The following DSC3 variants were observed in gnomAD, a reference collection of about 807,000 sequenced individuals.
DSC3 encodes desmocollin-3.
A neutral mutation model predicts 89.5 loss-of-function variants in DSC3; 97 were observed. That is an observed-to-expected ratio of 1.08 (90% CI 0.92 to 1.28). DSC3 has a LOEUF of 1.28. Among genes scored for constraint, DSC3 ranks in the 50% most tolerant of loss-of-function variants. DSC3 has a pLI of 0.00. For missense variants in DSC3, 1,199 were observed against 1,085.3 expected (o/e 1.10, Z -1.47); for synonymous variants, 436 against 384.1 (o/e 1.14, Z -1.58).
chr18:30,994,061 T>C lies in DSC3; in HGVS notation c.*114A>G, dbSNP rs1984366162. 9.2e-7 allele frequency: 1 copy of C among 1,085,670 alleles called. No individual in the cohort carries two copies. Among genetic ancestry groups the C allele is most frequent in the Non-Finnish European group, 1.4e-6 (1 of 728,474 alleles). The allele number at this position is 1,085,670 out of a possible 1,614,324, so 67.3% of individuals were successfully genotyped here. On this transcript the variant is annotated 3_prime_UTR_variant, in exon 16 of 16. Transcript: ENST00000360428. ...AAATATAAATTGGTGAGTAGCATAA[T>C]TCAAAATTGAGAAAAAAATCATCAT...
At chr18:31,015,078 T>C (rs1985190990) in intron 9 of DSC3, among the ~76,000 whole-genome samples, 1 of 152,186 alleles carries the variant, frequency 6.6e-6, no homozygotes, top group African/African-American at 2.4e-5. Flanking sequence ...ACTTTTAAAA[T>C]TCTAAAAATA....
intron 9 of DSC3, among the ~76,000 whole-genome samples, chr18:31,014,032 G>A (rs1985155057): frequency 1.3e-5 from 2 of 152,044 alleles, no homozygotes; most frequent in African/African-American, 2.4e-5. Context: ...TTCATATGAT[G>A]GATATTTTAC....
intron 9 of DSC3, among the ~76,000 whole-genome samples, chr18:31,010,023 T>C (rs541198780): frequency 3.3e-5 from 5 of 152,254 alleles, no homozygotes; most frequent in African/African-American, 1.2e-4. Context: ...AAGCACTTTT[T>C]CTTCAATTTC....
intron 13 of DSC3, among the ~76,000 whole-genome samples, chr18:31,003,250 C>T (rs1331636426): frequency 6.6e-6 from 1 of 152,204 alleles, no homozygotes; most frequent in African/African-American, 2.4e-5. Flanking sequence ...AATTATTTGC[C>T]TCTCTTTTTT....
At chr18:31,024,255 C>A in intron 6 of DSC3, 94 bp downstream of exon 6, 1 of 1,218,580 alleles carries the variant, frequency 8.2e-7, no homozygotes. Context: ...TTATCTCAGG[C>A]TGATCTGGCC....
rs116469001 is a variant in DSC3, at chr18:31,024,441, G to A, written c.683C>T (p.Pro228Leu). Residue 228 changes from proline (P) to leucine (L), a missense_variant, in exon 6 of 16, where the codon CCA (proline) becomes CTA (leucine). By Grantham distance (98) the Pro-to-Leu change is moderately conservative. Coordinates refer to ENST00000360428, the MANE Select transcript of DSC3 (RefSeq NM_001941.5). The stretch of plus-strand genomic sequence containing the variant: ...TTCATCCTCTACCCTGATGGGTAGT[G>A]GGAGGGGCAGATCTGCTGAATATCC... ...ADGYSADLPL[P>L]LPIRVEDEND... The A allele has an allele frequency of 2.5e-5, 40 of 1,612,614 alleles. No individual in the cohort carries two copies. The East Asian group carries it at 8.3e-4, about 33-fold the overall frequency.
Position 31,004,199 on chromosome 18 carries a change from C to G in DSC3, c.2056G>C (p.Val686Leu). Residue 686 changes from valine to leucine, a missense_variant, in exon 13 of 16, where the codon GTA becomes CTA. Transcript: ENST00000360428. Reference protein sequence around the residue: ...QCRATSRSTGVILGKWAILAI... With the variant: ...QCRATSRSTGLILGKWAILAI... ...AGGATTGCCCATTTTCCAAGTATTA[C>G]TCCTGTACTCCTTGAAGTCGCACGA... 6.2e-7 allele frequency: 1 copy of G among 1,613,952 alleles called. No individual in the cohort carries two copies. The highest frequency in any genetic ancestry group is 8.5e-7 in the Non-Finnish European group (1 of 1,179,904).
chr18:31,024,380 A>G lies in DSC3; in HGVS notation c.744T>C (p.Tyr248=), dbSNP rs748092939. The G allele has an allele frequency of 6.2e-7, 1 of 1,607,416 alleles. No homozygotes were observed. Among genetic ancestry groups the G allele is most frequent in the Non-Finnish European group, 8.5e-7 (1 of 1,175,958 alleles). Reference sequence around the variant, plus strand: ...TACTACTTTCCAAAACTTCAAAATTATAAATTGCTTCTGTGAAAACAGGGT... The same window carrying G: ...TACTACTTTCCAAAACTTCAAAATTGTAAATTGCTTCTGTGAAAACAGGGT... The part of the protein sequence containing the change: ...DNHPVFTEAI[Y]NFEVLESSRP... Residue 248 remains tyrosine, a synonymous_variant, in exon 6 of 16, where the codon TAT becomes TAC. Transcript: ENST00000360428.
chr18:31,001,814 G>T (rs146839019), intron 13 of DSC3, 75 bp from the exon 14 acceptor site: 2 of 1,215,872 alleles, frequency 1.6e-6, no homozygotes, highest in Non-Finnish European at 2.2e-6. Flanking sequence ...TATTTCTTAC[G>T]ACCTAAGGAT....
Position 31,042,618 on chromosome 18 carries a change from AG to A in DSC3, c.42del (p.Cys15AlafsTer6). The part of the protein sequence containing the change: ...AGPRRSVRGA[V>X]CLHLLLTLVI... ...ACGAGGGTCAGCAGCAGATGCAGGCAGACGGCTCCGCGCACGGAGCGCCGGG... is the reference window on the plus strand; with the variant it reads ...ACGAGGGTCAGCAGCAGATGCAGGCAACGGCTCCGCGCACGGAGCGCCGGG... On this transcript the variant is annotated frameshift_variant, in exon 1 of 16. Transcript: ENST00000360428. LOFTEE classifies it high-confidence loss of function. 6.4e-7 allele frequency: 1 copy of A among 1,550,504 alleles called. No homozygotes were observed. The highest frequency in any genetic ancestry group is 1.2e-5 in the South Asian group (1 of 84,078).
At position 31,042,710 on chromosome 18, in the gene DSC3, G is replaced by A. The variant is rs772437994; in HGVS notation, c.-50C>T. The A allele has an allele frequency of 3.4e-4, 517 of 1,514,168 alleles. No individual in the cohort carries two copies. Among genetic ancestry groups the A allele is most frequent in the Non-Finnish European group, 3.1e-4 (347 of 1,119,164 alleles). 93.8% of individuals were successfully genotyped at this position (1,514,168 alleles called of 1,614,324 possible). A position where few individuals can be genotyped will look rare whatever the true frequency, so the allele number is the denominator to read the frequency against. ...AACGCGGGCGCCGGGAGGGTGCCGA[G>A]AGCGAGACCTGCCGAGGTGCAGGGC... On this transcript the variant is annotated 5_prime_UTR_variant, in exon 1 of 16. Coordinates refer to ENST00000360428, the MANE Select transcript of DSC3 (RefSeq NM_001941.5).
rs77381343 is a variant in DSC3 at position 30,999,550 on chromosome 18, A to G, written c.2235+2068T>C. On this transcript the variant is annotated intron_variant, in intron 14 of 15. Transcript: ENST00000360428. ...CATATTTCTAAGTGAATAAAAGAGG[A>G]ATTTAAAATAAACTAAAAGCAATGC... Among the ~76,000 whole-genome samples the G allele has an allele frequency of 1.4e-3, 214 of 152,294 alleles. 1 individual carries two copies. In the East Asian group the frequency reaches 0.017, roughly 12 times the overall value.
chr18:31,020,161 A>C (rs144100563), intron 7 of DSC3, among the ~76,000 whole-genome samples: 5 of 152,324 alleles, frequency 3.3e-5, no homozygotes, highest in Middle Eastern at 3.4e-3. Context: ...TCATATGTAC[A>C]GAAGAGATCA....
chr18:31,018,310 A>T (rs1227406082), intron 8 of DSC3, 54 bp from the exon 9 acceptor site: 4 of 1,435,002 alleles, frequency 2.8e-6, no homozygotes, highest in African/African-American at 2.9e-5. Flanking sequence ...AGACAACTTT[A>T]AAAAAAAGTT....
chr18:31,033,803 T>C (rs749665827), intron 1 of DSC3, among the ~76,000 whole-genome samples: 11 of 152,180 alleles, frequency 7.2e-5, no homozygotes, highest in Non-Finnish European at 1.5e-4. Context: ...AAGTGAAAAA[T>C]ACAACAACTC....
intron 14 of DSC3, 27 bp downstream of exon 14, chr18:31,001,591 A>T: frequency 1.9e-6 from 3 of 1,605,318 alleles, no homozygotes; most frequent in Non-Finnish European, 2.6e-6. Context: ...GGAGATACAA[A>T]TACATATTTA....
At chr18:31,022,550 T>C (rs1232851536) in intron 6 of DSC3, 48 bp from the exon 7 acceptor site, 1 of 1,598,838 alleles carries the variant, frequency 6.3e-7, no homozygotes, top group African/African-American at 1.3e-5. Flanking sequence ...AATTGTTAAA[T>C]ATACTTTCAA....
At chr18:31,000,164 G>A (rs1360968387) in intron 14 of DSC3, among the ~76,000 whole-genome samples, 3 of 151,998 alleles carry the variant, frequency 2.0e-5, no homozygotes, top group Non-Finnish European at 2.9e-5. Context: ...AATAAGAAAG[G>A]CATCTTCACC....
chr18:31,022,088 T>G (rs543620902), intron 7 of DSC3, among the ~76,000 whole-genome samples: 5 of 152,150 alleles, frequency 3.3e-5, no homozygotes, highest in East Asian at 1.9e-4. Context: ...AAAAAAAAAT[T>G]TATAATGAAA....
Sources: allele counts gnomAD v4.1 joint callset (sites outside exome capture counted in the v4.1 genomes callset), GRCh38; gene constraint gnomAD v4.1.1; transcripts MANE v1.5; gene names NCBI Gene and HGNC (gene_info 2026-07-23, HGNC 2026-07-21).